The following MAL variants were observed in gnomAD, a reference collection of about 807,000 sequenced individuals.
MAL encodes the protein myelin and lymphocyte protein.
Under a neutral mutation model 16.7 loss-of-function variants are expected in MAL, and 5 were observed. The observed-to-expected ratio is 0.30, with a 90% CI of 0.16 to 0.63. The LOEUF is 0.63. Ranked by LOEUF, MAL falls within the 30% of genes least tolerant of loss-of-function variation. MAL has a pLI of 0.82. For synonymous variants in MAL, 96 were observed against 85.5 expected (o/e 1.12, Z -0.67); for missense variants, 202 against 195.8 (o/e 1.03, Z -0.19).
intron 3 of MAL, among the ~76,000 whole-genome samples, chr2:95,052,671 G>A (rs1674745822): frequency 6.6e-6 from 1 of 152,182 alleles, no homozygotes; most frequent in Non-Finnish European, 1.5e-5. Flanking sequence ...CAGGGAGTAG[G>A]GTGATGGGAG....
chr2:95,047,657 G>A (rs979305348), intron 1 of MAL, among the ~76,000 whole-genome samples: 7 of 152,190 alleles, frequency 4.6e-5, no homozygotes, highest in Non-Finnish European at 1.0e-4. Flanking sequence ...GGAGGCAGAG[G>A]TTGCAGTGAG....
chr2:95,033,186 T>A (rs1234567281), intron 1 of MAL, among the ~76,000 whole-genome samples: 1 of 152,054 alleles, frequency 6.6e-6, no homozygotes, highest in Non-Finnish European at 1.5e-5. Flanking sequence ...ACTCCAGGAA[T>A]AGGGCCACGG....
At chr2:95,030,888 C>G (rs1483203867) in intron 1 of MAL, among the ~76,000 whole-genome samples, 2 of 152,192 alleles carry the variant, frequency 1.3e-5, no homozygotes, top group Non-Finnish European at 2.9e-5. Flanking sequence ...CCCAAAGTGA[C>G]TGGACTGTTA....
At chr2:95,030,278 C>T (rs1306557717) in intron 1 of MAL, among the ~76,000 whole-genome samples, 2 of 152,198 alleles carry the variant, frequency 1.3e-5, no homozygotes, top group East Asian at 3.9e-4. Flanking sequence ...AGGCTGTGCC[C>T]CTATTGCAGG....
chr2:95,037,160 GGTGA>G (rs1378596113), intron 1 of MAL, among the ~76,000 whole-genome samples: 2 of 94,070 alleles, frequency 2.1e-5, no homozygotes, highest in Non-Finnish European at 4.5e-5. Context: ...TAACTGAGTG[GGTGA>G]GTGAGTGACT....
rs1263825310 is a variant in MAL, at chr2:95,048,058, G to A, written c.193G>A (p.Ala65Thr). 2 of 1,613,766 alleles carry A rather than the reference G, an allele frequency of 1.2e-6. No homozygotes were observed. Among genetic ancestry groups the A allele is most frequent in the African/African-American group, 2.7e-5 (2 of 74,872 alleles). Reference sequence around the variant, plus strand: ...GTTCGTGTCTGTGTTCTGCTTCGTGGCCACCACCACCTTGATCATCCTGTA... The same window carrying A: ...GTTCGTGTCTGTGTTCTGCTTCGTGACCACCACCACCTTGATCATCCTGTA... ...VMFVSVFCFV[A>T]TTTLIILYII... The change falls in exon 2 of 4, where the codon GCC becomes ACC. Residue 65 changes from alanine (A) to threonine (T), a missense_variant. Transcript: ENST00000309988.
At chr2:95,027,816 A>G (rs1460517305) in intron 1 of MAL, among the ~76,000 whole-genome samples, 1 of 152,110 alleles carries the variant, frequency 6.6e-6, no homozygotes, top group African/African-American at 2.4e-5. Flanking sequence ...GGTTCACGCC[A>G]TTCTCCTGCC....
chr2:95,038,448 CTGAGTGAGTGACTGAGTGGG>C (rs1674316141), intron 1 of MAL, among the ~76,000 whole-genome samples: 4 of 86,316 alleles, frequency 4.6e-5, no homozygotes, highest in Non-Finnish European at 9.9e-5. Context: ...GAGTGAGTGA[CTGAGTGAGTGACTGAGTGGG>C]TGAGTGAGTG....
chr2:95,040,281 A>G (rs1307942572), intron 1 of MAL, among the ~76,000 whole-genome samples: 1 of 152,130 alleles, frequency 6.6e-6, no homozygotes, highest in Non-Finnish European at 1.5e-5. Context: ...ACACACATAC[A>G]TACATGAATA....
chr2:95,052,077 G>A (rs1418656614), intron 3 of MAL, among the ~76,000 whole-genome samples: 2 of 152,184 alleles, frequency 1.3e-5, no homozygotes, highest in Non-Finnish European at 2.9e-5. Flanking sequence ...TGTGGGTGGC[G>A]GAGCTGCTTT....
intron 1 of MAL, among the ~76,000 whole-genome samples, chr2:95,045,404 C>G (rs947454837): frequency 7.2e-5 from 11 of 152,138 alleles, no homozygotes; most frequent in Admixed American, 2.0e-4. Context: ...GACCAAGGCC[C>G]GTTAGCTGAC....
chr2:95,029,389 C>T (rs140594132), intron 1 of MAL, among the ~76,000 whole-genome samples: 23 of 152,312 alleles, frequency 1.5e-4, no homozygotes, highest in Non-Finnish European at 2.6e-4. Flanking sequence ...TATGAAAATG[C>T]CAGCATACAG....
At chr2:95,050,373 A>C (rs897014713) in intron 3 of MAL, among the ~76,000 whole-genome samples, 3 of 152,262 alleles carry the variant, frequency 2.0e-5, no homozygotes, top group Admixed American at 1.3e-4. Flanking sequence ...TCTACGATAT[A>C]AAACATGCTT....
At chr2:95,039,186 G>A (rs1674366288) in intron 1 of MAL, among the ~76,000 whole-genome samples, 1 of 145,308 alleles carries the variant, frequency 6.9e-6, no homozygotes, top group Admixed American at 6.8e-5. Flanking sequence ...CTTGGTGAGT[G>A]AGTGAGTGAC....
chr2:95,025,884 T>C lies in MAL; in HGVS notation c.92T>C (p.Phe31Ser). The change falls in exon 1 of 4, where the codon TTT becomes TCT. Residue 31 changes from phenylalanine (F) to serine (S), a missense_variant and splice_region_variant. Physicochemically the swap from Phe to Ser is radical, Grantham distance 155. Coordinates refer to ENST00000309988, the MANE Select transcript of MAL (RefSeq NM_002371.4). The surrounding 1 kb of genome is among the most constrained non-coding windows in gnomAD (Gnocchi z 5.6). ...TLPDLLFIFE[F>S]IFGGLVWILV... ...CCCGACTTGCTCTTCATCTTTGAGT[T>C]TGTGAGTGGCTCCTGGCCGGGGAAG... is the stretch of plus-strand genomic sequence containing the variant. 5 of 1,560,170 alleles carry C rather than the reference T, an allele frequency of 3.2e-6. No individual in the cohort carries two copies. The South Asian group carries it at 4.8e-5, about 15-fold the overall frequency.
chr2:95,033,750 T>G (rs1674141743), intron 1 of MAL, among the ~76,000 whole-genome samples: 1 of 152,002 alleles, frequency 6.6e-6, no homozygotes, highest in East Asian at 1.9e-4. Flanking sequence ...TGCCCTCCAG[T>G]GTGGGTGACA....
chr2:95,046,833 A>AAGCGAGAGAAAGAGAAAGGGAGAG (rs1558661539), intron 1 of MAL, among the ~76,000 whole-genome samples: 3 of 151,576 alleles, frequency 2.0e-5, no homozygotes, highest in African/African-American at 7.3e-5. Flanking sequence ...AAGAGAAAGA[A>AAGCGAGAGAAAGAGAAAGGGAGAG]AGAGAGAGAA....
At chr2:95,036,440 TG>T (rs1005754666) in intron 1 of MAL, among the ~76,000 whole-genome samples, 4 of 152,188 alleles carry the variant, frequency 2.6e-5, no homozygotes, top group African/African-American at 9.6e-5. Flanking sequence ...CCACCCTTGG[TG>T]GACCCAGAAC....
In MAL at chr2:95,045,405, G is replaced by A. The variant is rs149892333; in HGVS notation, c.94-2554G>A. On this transcript the variant is annotated intron_variant, in intron 1 of 3. Transcript: ENST00000309988. ...CCCAGGTACCAGGAGACCAAGGCCC[G>A]TTAGCTGACTTGGACACCGATGCAT... Among the ~76,000 whole-genome samples, 9 of 152,290 alleles carry A rather than the reference G, an allele frequency of 5.9e-5. No individual in the cohort carries two copies. The East Asian group carries it at 7.7e-4, about 13-fold the overall frequency.
Sources: gnomAD v4.1 joint callset for allele counts (sites outside exome capture counted in the v4.1 genomes callset) on GRCh38, gnomAD v4.1.1 for gene constraint, Gnocchi (gnomAD v3.1) non-coding constraint, MANE v1.5 for transcripts, NCBI Gene and HGNC (gene_info 2026-07-23, HGNC 2026-07-21) for gene names.